The following FAM178B variants were observed in gnomAD, a reference collection of about 807,000 sequenced individuals.
The protein encoded by FAM178B is family with sequence similarity 178 member B.
A neutral mutation model predicts 91.7 loss-of-function variants in FAM178B; 82 were observed. The ratio of observed to expected loss-of-function variants is 0.89; its 90% CI spans 0.75 to 1.07. The LOEUF is 1.07. FAM178B is among the 50% of genes least tolerant of loss of function. The pLI, the probability that FAM178B is intolerant of heterozygous loss-of-function variation, is 0.00. For missense variants in FAM178B, 769 were observed against 846.7 expected (o/e 0.91, Z 1.14); for synonymous variants, 368 against 359.4 (o/e 1.02, Z -0.27).
chr2:96,888,189 C>A (rs900188001), intron 14 of FAM178B, among the ~76,000 whole-genome samples: 2 of 152,228 alleles, frequency 1.3e-5, no homozygotes, highest in African/African-American at 4.8e-5. Flanking sequence ...TTAAAGATGT[C>A]TGATGTTCTG....
intron 12 of FAM178B, among the ~76,000 whole-genome samples, chr2:96,918,550 C>T (rs1387699365): frequency 6.6e-6 from 1 of 152,176 alleles, no homozygotes; most frequent in Non-Finnish European, 1.5e-5. Flanking sequence ...ACTTTCATAC[C>T]TATTTGGTGG....
chr2:96,971,589 C>T (rs561983621), intron 3 of FAM178B, among the ~76,000 whole-genome samples: 3 of 152,288 alleles, frequency 2.0e-5, no homozygotes, highest in South Asian at 4.1e-4. Flanking sequence ...CTCCTTGCTC[C>T]GGGGCCATAA....
chr2:96,963,292 T>C (rs1055820488), intron 5 of FAM178B, among the ~76,000 whole-genome samples: 4 of 152,238 alleles, frequency 2.6e-5, no homozygotes, highest in Non-Finnish European at 5.9e-5. Context: ...ATGTAGCTAG[T>C]GAGTGGAGAA....
intron 12 of FAM178B, among the ~76,000 whole-genome samples, chr2:96,914,792 A>C (rs1419119078): frequency 6.6e-6 from 1 of 152,158 alleles, no homozygotes; most frequent in East Asian, 1.9e-4. Context: ...CGGGAGGCTG[A>C]GGCAGGAGGA....
rs1274612871 is a variant in FAM178B, at chr2:96,894,017, C to T, written c.1685G>A (p.Arg562Lys). The change falls in exon 14 of 17, where the codon AGG (arginine) becomes AAG (lysine). Residue 562 changes from arginine (R) to lysine (K), a missense_variant. By Grantham distance (26) the Arg-to-Lys change is conservative (BLOSUM62 2). Transcript: ENST00000490605. Reference protein sequence around the residue: ...SSLSRLLGLMRPSSLRQYLDS... With the variant: ...SSLSRLLGLMKPSSLRQYLDS... ...CAGGTATTGCCTGAGAGATGATGGC[C>T]TCATGAGGCCCAGGAGCCGGCTGAG... 3 of 1,612,342 alleles carry T rather than the reference C, an allele frequency of 1.9e-6. No individual in the cohort carries two copies. The highest frequency in any genetic ancestry group is 1.7e-5 in the Admixed American group (1 of 59,928).
chr2:96,941,208 A>C (rs765731965), intron 8 of FAM178B, among the ~76,000 whole-genome samples: 33 of 152,234 alleles, frequency 2.2e-4, no homozygotes, highest in Non-Finnish European at 4.1e-4. Flanking sequence ...GCTGGCAAGA[A>C]GACTTTCACT....
chr2:96,882,389 C>T (rs1175320017), intron 14 of FAM178B, among the ~76,000 whole-genome samples: 2 of 152,222 alleles, frequency 1.3e-5, no homozygotes, highest in East Asian at 1.9e-4. Flanking sequence ...TTCCCTCCAA[C>T]GTGGCAGGGG....
intron 12 of FAM178B, among the ~76,000 whole-genome samples, chr2:96,908,828 T>C (rs1225952640): frequency 1.3e-5 from 2 of 151,920 alleles, no homozygotes; most frequent in Non-Finnish European, 2.9e-5. Flanking sequence ...ATGATAAAAA[T>C]CACAGAACCT....
chr2:96,897,479 C>T (rs955441038), intron 13 of FAM178B, among the ~76,000 whole-genome samples: 1 of 152,140 alleles, frequency 6.6e-6, no homozygotes, highest in Admixed American at 6.6e-5. Flanking sequence ...CAAGAAGTGC[C>T]CCAGGATAAG....
intron 4 of FAM178B, among the ~76,000 whole-genome samples, chr2:96,968,005 T>C (rs1486894164): frequency 6.9e-6 from 1 of 144,580 alleles, no homozygotes; most frequent in Non-Finnish European, 1.5e-5. Context: ...AACCAAAGTG[T>C]ATCGCAGCCT....
chr2:96,975,094 CAAAAAAAAAAAA>C (rs34807786), intron 1 of FAM178B, among the ~76,000 whole-genome samples: 2 of 56,272 alleles, frequency 3.6e-5, no homozygotes, highest in Non-Finnish European at 5.5e-5. Context: ...GACTCTGTCT[CAAAAAAAAAAAA>C]AAAAAAAAAA....
At chr2:96,905,179 A>G (rs1376005919) in intron 12 of FAM178B, among the ~76,000 whole-genome samples, 1 of 152,168 alleles carries the variant, frequency 6.6e-6, no homozygotes. Context: ...CTTCACGTGC[A>G]TTGGACTTGT....
chr2:96,908,156 C>G (rs1398570105), intron 12 of FAM178B, among the ~76,000 whole-genome samples: 1 of 152,188 alleles, frequency 6.6e-6, no homozygotes, highest in African/African-American at 2.4e-5. Context: ...TCTGCAAGCC[C>G]ACAGCCACCA....
intron 8 of FAM178B, among the ~76,000 whole-genome samples, chr2:96,945,221 T>C (rs1340492552): frequency 6.6e-6 from 1 of 152,182 alleles, no homozygotes; most frequent in African/African-American, 2.4e-5. Flanking sequence ...ACAGCTGACA[T>C]GTACACGTGT....
intron 12 of FAM178B, among the ~76,000 whole-genome samples, chr2:96,905,856 A>ATGTG (rs2081040471): frequency 3.3e-4 from 6 of 18,106 alleles, no homozygotes; most frequent in East Asian, 1.5e-3. Context: ...ATATATATAT[A>ATGTG]TATATTTTTT....
At chr2:96,961,957 G>A (rs926317094) in intron 5 of FAM178B, among the ~76,000 whole-genome samples, 2 of 152,182 alleles carry the variant, frequency 1.3e-5, no homozygotes, top group African/African-American at 4.8e-5. Context: ...TTTGGTTCAT[G>A]TCTTTGCCAT....
At chr2:96,882,255 T>C (rs961328122) in intron 14 of FAM178B, among the ~76,000 whole-genome samples, 1 of 152,178 alleles carries the variant, frequency 6.6e-6, no homozygotes, top group Admixed American at 6.5e-5. Context: ...AACTGGGAAC[T>C]CTGTAGCCAG....
chr2:96,878,613 C>G (rs996703820), intron 14 of FAM178B, 120 bp from the exon 15 acceptor site: 1 of 855,796 alleles, frequency 1.2e-6, no homozygotes, highest in Admixed American at 2.0e-5. Context: ...CTCAGTCACC[C>G]CTAGGCTTTC....
intron 8 of FAM178B, among the ~76,000 whole-genome samples, chr2:96,940,087 C>A (rs564082066): frequency 4.1e-4 from 62 of 152,238 alleles, no homozygotes; most frequent in African/African-American, 1.5e-3. Context: ...TGTTTTCCTG[C>A]CCATTTGGGT....
Sources: gnomAD v4.1 joint callset for allele counts (sites outside exome capture counted in the v4.1 genomes callset) on GRCh38, gnomAD v4.1.1 for gene constraint, MANE v1.5 for transcripts, NCBI Gene and HGNC (gene_info 2026-07-23, HGNC 2026-07-21) for gene names.